The following FAM13B variants were observed in gnomAD, a reference collection of about 807,000 sequenced individuals.
FAM13B encodes family with sequence similarity 13 member B, also known as protein FAM13B.
A neutral mutation model predicts 117.3 loss-of-function variants in FAM13B; 60 were observed. The ratio of observed to expected loss-of-function variants is 0.51; its 90% confidence interval spans 0.42 to 0.63. FAM13B has a LOEUF of 0.63. Among genes scored for constraint, FAM13B ranks in the 30% least tolerant of loss-of-function variants. The probability of loss-of-function intolerance (pLI) is 0.00; values close to 1 mark genes in which losing one functional copy is unlikely to be tolerated. For synonymous variants in FAM13B, 332 were observed against 356.1 expected, an observed-to-expected ratio of 0.93 and a Z score of 0.76; for missense variants, 972 against 1,091.9, an observed-to-expected ratio of 0.89 and a Z score of 1.55.
chr5:138,032,692 A>C, intron 1 of FAM13B, 90 bp downstream of exon 1: 1 of 981,634 alleles, frequency 1.0e-6, no homozygotes, highest in Non-Finnish European at 1.2e-6. Context: ...CGCGGGTGGC[A>C]GGCGGCGCTG....
chr5:137,969,160 G>C (rs1299393265), intron 10 of FAM13B, among the ~76,000 whole-genome samples: 1 of 152,260 alleles, frequency 6.6e-6, no homozygotes, highest in Non-Finnish European at 1.5e-5. Flanking sequence ...GGGGGGCAGG[G>C]CACAGACAAA....
At chr5:138,003,998 G>A (rs1781911146) in intron 7 of FAM13B, among the ~76,000 whole-genome samples, 1 of 152,176 alleles carries the variant, frequency 6.6e-6, no homozygotes, top group Admixed American at 6.5e-5. Flanking sequence ...GCCAGGCGTG[G>A]TAGCTCACAC....
At chr5:137,988,837 T>C (rs1051654557) in intron 7 of FAM13B, among the ~76,000 whole-genome samples, 5 of 152,288 alleles carry the variant, frequency 3.3e-5, no homozygotes, top group African/African-American at 1.2e-4. Flanking sequence ...CCTAATTTTC[T>C]AAAGAAACTA....
intron 10 of FAM13B, among the ~76,000 whole-genome samples, chr5:137,966,488 T>TATATATAG (rs1461425784): frequency 1.1e-3 from 33 of 29,478 alleles, no homozygotes; most frequent in Middle Eastern, 0.05. Flanking sequence ...TATATATATA[T>TATATATAG]AGAGAGAGAG....
chr5:138,034,933 A>G (rs192502897), upstream of FAM13B, among the ~76,000 whole-genome samples: 197 of 148,158 alleles, frequency 1.3e-3, no homozygotes, highest in African/African-American at 4.5e-3. Context: ...TGACTGTAAT[A>G]AATACTTTGC....
At chr5:137,950,603 G>A (rs1029231558) in intron 17 of FAM13B, among the ~76,000 whole-genome samples, 1 of 152,094 alleles carries the variant, frequency 6.6e-6, no homozygotes, top group Non-Finnish European at 1.5e-5. Flanking sequence ...GCACAAACAT[G>A]GCTCACTGCA....
chr5:137,999,848 T>C (rs1438405789), intron 7 of FAM13B, among the ~76,000 whole-genome samples: 7 of 152,046 alleles, frequency 4.6e-5, no homozygotes. Context: ...CTCTCAGGCT[T>C]TTTATAAGGG....
At chr5:137,972,370 T>C (rs1772466302) in intron 10 of FAM13B, among the ~76,000 whole-genome samples, 3 of 152,182 alleles carry the variant, frequency 2.0e-5, no homozygotes, top group Admixed American at 1.3e-4. Context: ...ACCACGATTA[T>C]CTCAATAGAT....
intron 7 of FAM13B, among the ~76,000 whole-genome samples, chr5:138,005,029 G>C (rs924029755): frequency 6.6e-6 from 1 of 152,178 alleles, no homozygotes; most frequent in African/African-American, 2.4e-5. Context: ...CTTGAGGCCA[G>C]GAGTTTGAGA....
At chr5:137,955,899 T>G (rs1434209976) in intron 14 of FAM13B, among the ~76,000 whole-genome samples, 1 of 152,192 alleles carries the variant, frequency 6.6e-6, no homozygotes, top group Non-Finnish European at 1.5e-5. Flanking sequence ...CCCAAAGTGC[T>G]AGGATTACAA....
chr5:137,976,933 G>C (rs1357358221), intron 10 of FAM13B, among the ~76,000 whole-genome samples: 8 of 152,174 alleles, frequency 5.3e-5, no homozygotes, highest in Admixed American at 5.2e-4. Context: ...AATGTTCAGG[G>C]AACAAGAGAG....
chr5:137,952,095 A>G (rs933624348), intron 17 of FAM13B, among the ~76,000 whole-genome samples: 7 of 152,240 alleles, frequency 4.6e-5, no homozygotes, highest in African/African-American at 1.7e-4. Context: ...TTATTAAAAC[A>G]CATACTCACT....
intron 10 of FAM13B, among the ~76,000 whole-genome samples, chr5:137,977,087 G>A (rs1774244247): frequency 6.6e-6 from 1 of 152,108 alleles, no homozygotes; most frequent in South Asian, 2.1e-4. Context: ...CCTGAGGGTA[G>A]GTCTCTGAAA....
intron 17 of FAM13B, among the ~76,000 whole-genome samples, chr5:137,952,124 T>C (rs138318815): frequency 1.5e-3 from 230 of 152,350 alleles, no homozygotes; most frequent in East Asian, 2.1e-3. Context: ...ACAAACTAAA[T>C]ATACTTCAAC....
intron 10 of FAM13B, among the ~76,000 whole-genome samples, chr5:137,965,406 G>A (rs1048284125): frequency 5.3e-5 from 8 of 152,102 alleles, no homozygotes; most frequent in African/African-American, 1.4e-4. Context: ...AGGAGCTATC[G>A]GAGATTACTG....
At chr5:138,022,671 A>G (rs757956470) in intron 1 of FAM13B, among the ~76,000 whole-genome samples, 14 of 152,192 alleles carry the variant, frequency 9.2e-5, no homozygotes, top group Non-Finnish European at 1.8e-4. Flanking sequence ...ACTTACACTA[A>G]AAGTCAAGCT....
Position 137,985,166 on chromosome 5 carries a change from A to G in FAM13B, c.1179+91T>C, listed in dbSNP as rs1776868213. 3.1e-6 allele frequency: 4 copies of G among 1,284,252 alleles called. No individual in the cohort carries two copies. The Admixed American group carries it at 8.5e-5, about 27-fold the overall frequency. 79.6% of individuals were successfully genotyped at this position (1,284,252 alleles called of 1,614,324 possible). A position where few individuals can be genotyped will look rare whatever the true frequency, so the allele number is the denominator to read the frequency against. On this transcript the variant is annotated intron_variant, in intron 10 of 23. Transcript: ENST00000689681. The stretch of plus-strand genomic sequence containing the variant: ...TATAATTGAGACAATTAAGTGTATC[A>G]GCAAAATACTGAACTATAACTTCTG...
intron 1 of FAM13B, among the ~76,000 whole-genome samples, chr5:138,041,345 A>G (rs1341644848): frequency 6.6e-6 from 1 of 152,172 alleles, no homozygotes; most frequent in Non-Finnish European, 1.5e-5. Flanking sequence ...TTTAACATAT[A>G]CTATTGTGAG....
At chr5:137,946,199 T>C in intron 19 of FAM13B, 29 bp downstream of exon 19, 1 of 1,544,368 alleles carries the variant, frequency 6.5e-7, no homozygotes, top group South Asian at 1.2e-5. Context: ...AGACATAAAA[T>C]CAAATCTTTT....
Sources: allele counts gnomAD v4.1 joint callset (sites outside exome capture counted in the v4.1 genomes callset), GRCh38; gene constraint gnomAD v4.1.1; transcripts MANE v1.5; gene names NCBI Gene and HGNC (gene_info 2026-07-23, HGNC 2026-07-21).